Variants in CNTNAP2 observed in about 807,000 individuals in gnomAD.
CNTNAP2 encodes the protein contactin-associated protein-like 2.
A neutral mutation model predicts 155.2 loss-of-function variants in CNTNAP2; 98 were observed. The ratio of observed to expected loss-of-function variants is 0.63; its 90% CI spans 0.54 to 0.75. The LOEUF is 0.75. Ranked by LOEUF, CNTNAP2 falls within the 30% of genes least tolerant of loss-of-function variation. CNTNAP2 has a pLI of 0.00. For missense variants in CNTNAP2, 1,727 were observed against 1,688.1 expected (o/e 1.02, Z -0.40); for synonymous variants, 651 against 631.2 (o/e 1.03, Z -0.47).
intron 3 of CNTNAP2, among the ~76,000 whole-genome samples, chr7:146,965,165 A>G (rs1410819858): frequency 6.6e-6 from 1 of 152,094 alleles, no homozygotes; most frequent in Non-Finnish European, 1.5e-5. Flanking sequence ...GGGTGCAATC[A>G]TTTAAAACTA....
At chr7:148,033,666 A>C (rs898115342) in intron 15 of CNTNAP2, among the ~76,000 whole-genome samples, 1 of 152,220 alleles carries the variant, frequency 6.6e-6, no homozygotes, top group Non-Finnish European at 1.5e-5. Context: ...TATTAGCTTT[A>C]AGAAATTAGA....
chr7:148,093,990 T>A (rs1282238097), intron 15 of CNTNAP2, among the ~76,000 whole-genome samples: 2 of 152,146 alleles, frequency 1.3e-5, no homozygotes, highest in African/African-American at 4.8e-5. Flanking sequence ...ACTCCTGAGC[T>A]CAAGCGATCT....
chr7:147,269,844 T>C (rs78954503), intron 8 of CNTNAP2, among the ~76,000 whole-genome samples: 2,255 of 152,180 alleles, frequency 0.015, 65 homozygotes, highest in African/African-American at 0.051. Flanking sequence ...CAGGAGGCCA[T>C]GAGTTCCAGA....
intron 1 of CNTNAP2, among the ~76,000 whole-genome samples, chr7:146,535,091 TTA>T (rs1170315569): frequency 3.1e-5 from 1 of 32,448 alleles, no homozygotes; most frequent in Non-Finnish European, 4.6e-5. Context: ...CATGTATATT[TTA>T]TATATATATT....
intron 3 of CNTNAP2, among the ~76,000 whole-genome samples, chr7:146,968,544 T>G (rs868771956): frequency 1.3e-5 from 2 of 152,068 alleles, no homozygotes; most frequent in African/African-American, 4.8e-5. Flanking sequence ...CTTGGGAGGG[T>G]GTATGTGTCG....
intron 1 of CNTNAP2, among the ~76,000 whole-genome samples, chr7:146,574,188 C>T (rs1399880991): frequency 9.2e-6 from 1 of 108,158 alleles, no homozygotes; most frequent in East Asian, 2.5e-4. Flanking sequence ...CCCTTCACTT[C>T]TCTGTTCTTT....
intron 22 of CNTNAP2, among the ~76,000 whole-genome samples, chr7:148,388,317 C>A (rs1400925079): frequency 1.5e-5 from 2 of 133,840 alleles, no homozygotes; most frequent in Non-Finnish European, 3.1e-5. Flanking sequence ...ACAATAGTCC[C>A]CAGAGTGTGA....
chr7:147,506,514 C>CTT (rs1798909343), intron 11 of CNTNAP2, among the ~76,000 whole-genome samples: 1 of 152,184 alleles, frequency 6.6e-6, no homozygotes, highest in South Asian at 2.1e-4. Context: ...CTCGGCCTCC[C>CTT]AAAATGCTGG....
At chr7:147,454,785 C>T (rs1389464873) in intron 10 of CNTNAP2, among the ~76,000 whole-genome samples, 1 of 151,784 alleles carries the variant, frequency 6.6e-6, no homozygotes, top group Non-Finnish European at 1.5e-5. Flanking sequence ...AGTCCTGCAG[C>T]AGATATTCCT....
intron 1 of CNTNAP2, among the ~76,000 whole-genome samples, chr7:146,280,088 G>T (rs149916950): frequency 6.6e-5 from 10 of 152,200 alleles, no homozygotes; most frequent in South Asian, 2.1e-4. Context: ...CTGTGTGTGC[G>T]TGTCGATGTG....
chr7:147,470,893 A>C (rs980510225), intron 10 of CNTNAP2, among the ~76,000 whole-genome samples: 2 of 152,138 alleles, frequency 1.3e-5, no homozygotes, highest in African/African-American at 4.8e-5. Flanking sequence ...AAGCAGCCCA[A>C]GGTCGAGCTC....
At chr7:147,985,143 T>G (rs941463133) in intron 15 of CNTNAP2, among the ~76,000 whole-genome samples, 2 of 150,164 alleles carry the variant, frequency 1.3e-5, no homozygotes, top group Non-Finnish European at 3.0e-5. Flanking sequence ...AATAAATAAA[T>G]AAATAACTAT....
chr7:147,474,816 G>C (rs1349301467), intron 10 of CNTNAP2, among the ~76,000 whole-genome samples: 1 of 152,114 alleles, frequency 6.6e-6, no homozygotes, highest in South Asian at 2.1e-4. Context: ...GAGAAGTTTA[G>C]GATCTCTCAG....
At chr7:146,142,536 G>A (rs1797896215) in intron 1 of CNTNAP2, among the ~76,000 whole-genome samples, 1 of 152,198 alleles carries the variant, frequency 6.6e-6, no homozygotes, top group African/African-American at 2.4e-5. Context: ...AAACAGTTGA[G>A]AGGGAGGAAT....
At chr7:147,468,044 G>C (rs912235201) in intron 10 of CNTNAP2, among the ~76,000 whole-genome samples, 1 of 151,970 alleles carries the variant, frequency 6.6e-6, no homozygotes, top group Non-Finnish European at 1.5e-5. Context: ...AGAACTGTGG[G>C]AGGCCAAGGC....
intron 13 of CNTNAP2, among the ~76,000 whole-genome samples, chr7:147,858,968 T>C (rs1334904433): frequency 1.3e-5 from 2 of 152,188 alleles, no homozygotes; most frequent in Non-Finnish European, 2.9e-5. Context: ...GAAACTTCTA[T>C]ATAAGGCTAT....
chr7:146,166,386 C>T (rs1248329430), intron 1 of CNTNAP2, among the ~76,000 whole-genome samples: 2 of 152,142 alleles, frequency 1.3e-5, no homozygotes, highest in East Asian at 3.9e-4. Context: ...AGCCACCACA[C>T]CTGGCCATAT....
intron 13 of CNTNAP2, among the ~76,000 whole-genome samples, chr7:147,900,158 A>G (rs1799843219): frequency 6.6e-6 from 1 of 152,076 alleles, no homozygotes; most frequent in South Asian, 2.1e-4. Context: ...TTTTTCTCCC[A>G]TCACCCTGGC....
chr7:148,222,199 G>A (rs554070174), intron 19 of CNTNAP2, among the ~76,000 whole-genome samples: 3 of 152,294 alleles, frequency 2.0e-5, no homozygotes, highest in East Asian at 1.9e-4. Flanking sequence ...AGCCAGCACC[G>A]CCTGCCTTTA....
Sources: gnomAD v4.1 joint callset for allele counts (sites outside exome capture counted in the v4.1 genomes callset) on GRCh38, gnomAD v4.1.1 for gene constraint, MANE v1.5 for transcripts, NCBI Gene and HGNC (gene_info 2026-07-23, HGNC 2026-07-21) for gene names.